APBA1: variants seen among roughly 807,000 people sequenced by gnomAD.
APBA1 encodes amyloid beta precursor protein binding family A member 1.
A neutral mutation model predicts 86.6 loss-of-function variants in APBA1; 55 were observed. That is an observed-to-expected ratio of 0.64 (90% CI 0.51 to 0.80). APBA1 has a LOEUF of 0.80. APBA1 is among the 30% of genes least tolerant of loss of function. APBA1 has a pLI of 0.00. For synonymous variants in APBA1, 511 were observed against 493.9 expected (o/e 1.03, Z -0.46); for missense variants, 1,090 against 1,183.0 (o/e 0.92, Z 1.15).
intron 1 of APBA1, among the ~76,000 whole-genome samples, chr9:69,554,547 A>G (rs916300137): frequency 3.3e-5 from 5 of 152,154 alleles, no homozygotes; most frequent in African/African-American, 1.2e-4. Context: ...AATGATCAGC[A>G]CCCAGAGAAA....
At chr9:69,432,791 G>A in intron 11 of APBA1, 115 bp from the exon 12 acceptor site, 2 of 1,106,578 alleles carry the variant, frequency 1.8e-6, no homozygotes, top group Non-Finnish European at 2.4e-6. Flanking sequence ...AACTGACATG[G>A]TTAGGCTTTG....
intron 11 of APBA1, among the ~76,000 whole-genome samples, chr9:69,436,797 A>T (rs1834731562): frequency 6.6e-6 from 1 of 152,104 alleles, no homozygotes; most frequent in South Asian, 2.1e-4. Context: ...CCCTGGCCAG[A>T]ACTTCCAAAA....
At chr9:69,471,809 A>C in intron 3 of APBA1, 114 bp from the exon 4 acceptor site, 2 of 825,464 alleles carry the variant, frequency 2.4e-6, no homozygotes, top group Non-Finnish European at 3.9e-6. Flanking sequence ...GTTACCAATT[A>C]TTGATCATTT....
intron 1 of APBA1, among the ~76,000 whole-genome samples, chr9:69,546,343 T>G (rs1588354600): frequency 6.6e-6 from 1 of 152,322 alleles, no homozygotes; most frequent in East Asian, 1.9e-4. Flanking sequence ...CAGAGATATG[T>G]TGTGGGTTGC....
chr9:69,671,632 T>C (rs1426092871), intron 1 of APBA1, among the ~76,000 whole-genome samples: 2 of 152,056 alleles, frequency 1.3e-5, no homozygotes, highest in Non-Finnish European at 1.5e-5. Context: ...TACACACACA[T>C]ATACAGGATT....
chr9:69,525,638 C>T (rs975544310), intron 1 of APBA1, among the ~76,000 whole-genome samples: 2 of 152,068 alleles, frequency 1.3e-5, no homozygotes, highest in African/African-American at 4.8e-5. Flanking sequence ...ATTGAAATGG[C>T]CATACTACCC....
At chr9:69,579,323 G>C (rs1428577478) in intron 1 of APBA1, among the ~76,000 whole-genome samples, 1 of 152,198 alleles carries the variant, frequency 6.6e-6, no homozygotes, top group Non-Finnish European at 1.5e-5. Flanking sequence ...CCCCGAGCAA[G>C]ATGGGGTCAT....
intron 1 of APBA1, among the ~76,000 whole-genome samples, chr9:69,520,228 G>A (rs1313132809): frequency 6.6e-6 from 1 of 152,190 alleles, no homozygotes; most frequent in African/African-American, 2.4e-5. Context: ...CTACACACAA[G>A]AGGACTGTTC....
chr9:69,658,130 G>A (rs895776782), intron 1 of APBA1, among the ~76,000 whole-genome samples: 1 of 152,178 alleles, frequency 6.6e-6, no homozygotes, highest in East Asian at 1.9e-4. Flanking sequence ...ACTGGAATGT[G>A]GAGATTCCCA....
intron 1 of APBA1, among the ~76,000 whole-genome samples, chr9:69,619,149 G>A (rs1221641485): frequency 6.6e-6 from 1 of 152,148 alleles, no homozygotes; most frequent in African/African-American, 2.4e-5. Context: ...GCAATTGAAA[G>A]GAAATTTAAG....
intron 1 of APBA1, among the ~76,000 whole-genome samples, chr9:69,618,494 A>G (rs538834920): frequency 1.2e-4 from 19 of 152,240 alleles, no homozygotes; most frequent in African/African-American, 2.2e-4. Flanking sequence ...TAATTGTTCT[A>G]TGAGGAAGGA....
rs550413020 is a variant in APBA1 at position 69,596,037 on chromosome 9, G to T, written c.-70+76116C>A. ...AGGTCTAGTTCTGTCATCCAGGCTG[G>T]TGTGCAGTGGTGTGATCATAGCTCA... On this transcript the variant is annotated intron_variant, in intron 1 of 12. Transcript: ENST00000265381. Among the ~76,000 whole-genome samples, 13 of 152,268 alleles carry T rather than the reference G, an allele frequency of 8.5e-5. No homozygotes were observed. In the South Asian group the frequency reaches 2.7e-3, roughly 32 times the overall value.
chr9:69,575,686 C>A (rs1445002694), intron 1 of APBA1, among the ~76,000 whole-genome samples: 1 of 152,160 alleles, frequency 6.6e-6, no homozygotes, highest in Non-Finnish European at 1.5e-5. Context: ...CCCTTCCTTA[C>A]ACCTTATACA....
intron 2 of APBA1, among the ~76,000 whole-genome samples, chr9:69,481,161 T>G (rs1588309467): frequency 1.3e-5 from 2 of 151,864 alleles, no homozygotes; most frequent in Admixed American, 1.3e-4. Context: ...GGGTATTCAA[T>G]TAGGAAAACA....
At chr9:69,632,320 T>C (rs1401255199) in intron 1 of APBA1, among the ~76,000 whole-genome samples, 1 of 152,132 alleles carries the variant, frequency 6.6e-6, no homozygotes, top group South Asian at 2.1e-4. Flanking sequence ...TATTAATCAT[T>C]ACTGAATGCT....
At chr9:69,602,248 A>G (rs1341957113) in intron 1 of APBA1, among the ~76,000 whole-genome samples, 1 of 152,094 alleles carries the variant, frequency 6.6e-6, no homozygotes, top group East Asian at 1.9e-4. Flanking sequence ...CACTAACTCA[A>G]TCCAGCACAT....
intron 11 of APBA1, among the ~76,000 whole-genome samples, chr9:69,434,337 G>A (rs796182243): frequency 5.3e-5 from 8 of 152,230 alleles, no homozygotes; most frequent in Non-Finnish European, 7.4e-5. Flanking sequence ...AAGGGACTCT[G>A]TCCAGAGAGG....
intron 1 of APBA1, among the ~76,000 whole-genome samples, chr9:69,522,702 T>C (rs1836273255): frequency 6.6e-6 from 1 of 152,198 alleles, no homozygotes; most frequent in African/African-American, 2.4e-5. Context: ...TTGTGACTCA[T>C]ATTAAGTGCT....
chr9:69,453,668 A>G (rs1445137682), intron 8 of APBA1, among the ~76,000 whole-genome samples: 2 of 152,216 alleles, frequency 1.3e-5, no homozygotes, highest in Non-Finnish European at 2.9e-5. Flanking sequence ...AAACTTTTCC[A>G]ATTTTAGAAA....
Sources: allele counts gnomAD v4.1 joint callset (sites outside exome capture counted in the v4.1 genomes callset), GRCh38; gene constraint gnomAD v4.1.1; transcripts MANE v1.5; gene names NCBI Gene and HGNC (gene_info 2026-07-23, HGNC 2026-07-21).